AGBL1: variants seen among roughly 807,000 people sequenced by gnomAD.
The protein encoded by AGBL1 is cytosolic carboxypeptidase 4.
A neutral mutation model predicts 118.9 loss-of-function variants in AGBL1; 130 were observed. That is an observed-to-expected ratio of 1.09 (90% CI 0.95 to 1.26). AGBL1 has a LOEUF of 1.26. Among genes scored for constraint, AGBL1 ranks in the 50% most tolerant of loss-of-function variants. AGBL1 has a pLI of 0.00. For synonymous variants in AGBL1, 555 were observed against 478.9 expected, an observed-to-expected ratio of 1.16 and a Z score of -2.08; for missense variants, 1,584 against 1,298.1, an observed-to-expected ratio of 1.22 and a Z score of -3.38.
chr15:86,299,349 A>G (rs771674349), intron 17 of AGBL1, among the ~76,000 whole-genome samples: 1 of 152,088 alleles, frequency 6.6e-6, no homozygotes, highest in Non-Finnish European at 1.5e-5. Flanking sequence ...AACCTTTACA[A>G]AAGGATCAAC....
At chr15:86,364,076 C>G (rs1425744828) in intron 17 of AGBL1, among the ~76,000 whole-genome samples, 7 of 152,192 alleles carry the variant, frequency 4.6e-5, no homozygotes, top group Non-Finnish European at 1.5e-5. Context: ...TACCCATAAT[C>G]TCTATACACA....
intron 18 of AGBL1, among the ~76,000 whole-genome samples, chr15:86,479,658 A>C (rs1397915296): frequency 6.6e-6 from 1 of 152,236 alleles, no homozygotes; most frequent in Non-Finnish European, 1.5e-5. Flanking sequence ...TAGTTCAACC[A>C]TTGTGGAAGA....
chr15:86,536,870 C>T (rs1337516922), intron 19 of AGBL1, among the ~76,000 whole-genome samples: 2 of 152,134 alleles, frequency 1.3e-5, no homozygotes, highest in African/African-American at 2.4e-5. Flanking sequence ...GGCTGCTCTC[C>T]GTGAAGGCCA....
chr15:86,318,867 G>A (rs1361438000), intron 17 of AGBL1, among the ~76,000 whole-genome samples: 1 of 151,910 alleles, frequency 6.6e-6, no homozygotes. Flanking sequence ...TTATTATATG[G>A]TCTGTGATGT....
At chr15:86,775,498 T>C (rs932777651) in intron 22 of AGBL1, among the ~76,000 whole-genome samples, 2 of 152,080 alleles carry the variant, frequency 1.3e-5, no homozygotes, top group African/African-American at 4.8e-5. Context: ...TGGTGAGAGA[T>C]GACATAGAAA....
At chr15:86,403,766 A>G (rs2081482351) in intron 18 of AGBL1, among the ~76,000 whole-genome samples, 2 of 152,200 alleles carry the variant, frequency 1.3e-5, no homozygotes, top group African/African-American at 4.8e-5. Flanking sequence ...CAGAGCCAGG[A>G]ACTCAAGTCT....
chr15:86,675,820 T>C (rs772494018), intron 22 of AGBL1, among the ~76,000 whole-genome samples: 1 of 152,180 alleles, frequency 6.6e-6, no homozygotes, highest in East Asian at 1.9e-4. Context: ...TGAGGGAAGA[T>C]TGAGCAGAAC....
chr15:86,263,264 T>C (rs1184537718), intron 10 of AGBL1, among the ~76,000 whole-genome samples: 1 of 152,200 alleles, frequency 6.6e-6, no homozygotes, highest in African/African-American at 2.4e-5. Flanking sequence ...TCCCATTGTA[T>C]TACTATTGCC....
rs534575443 is a variant in AGBL1, at chr15:87,022,996, A to G, written c.3324-5829A>G. On this transcript the variant is annotated intron_variant, in intron 24 of 24. Transcript: ENST00000441037. ...TTTTGAAACAAATCCTGGAAACAAC[A>G]TCAAAACAAAACCACTTTAAAGCAT... 7.6e-4 allele frequency among the ~76,000 whole-genome samples: 115 copies of G among 152,210 alleles called. 1 individual carries two copies. Among genetic ancestry groups the G allele is most frequent in the African/African-American group, 2.4e-3 (98 of 41,554 alleles).
intron 22 of AGBL1, among the ~76,000 whole-genome samples, chr15:86,719,522 G>A (rs2086685866): frequency 6.6e-6 from 1 of 152,102 alleles, no homozygotes; most frequent in African/African-American, 2.4e-5. Flanking sequence ...AGCAGGGTGA[G>A]CTTCCCAGTA....
intron 24 of AGBL1, among the ~76,000 whole-genome samples, chr15:87,023,105 G>A (rs1312664227): frequency 6.6e-6 from 1 of 152,038 alleles, no homozygotes; most frequent in Non-Finnish European, 1.5e-5. Flanking sequence ...CAAATAGCAT[G>A]ATGAATGGAA....
At chr15:86,305,861 T>C (rs2079831929) in intron 17 of AGBL1, among the ~76,000 whole-genome samples, 1 of 152,180 alleles carries the variant, frequency 6.6e-6, no homozygotes, top group African/African-American at 2.4e-5. Flanking sequence ...CCCATTAATC[T>C]GAGACTTGAC....
chr15:86,401,082 T>C (rs944216923), intron 18 of AGBL1, among the ~76,000 whole-genome samples: 1 of 152,206 alleles, frequency 6.6e-6, no homozygotes, highest in South Asian at 2.1e-4. Context: ...CCACCAGCAG[T>C]GTAAAAGTGG....
Position 86,908,614 on chromosome 15 carries a change from A to G in AGBL1, c.*1320A>G, listed in dbSNP as rs530252490. ...GGAAGGGAGCTGGGAAGGAGATTAC[A>G]GAGGAGCAGAATCTAGGAGGCTGGA... On this transcript the variant is annotated 3_prime_UTR_variant, in exon 23 of 23. Coordinates refer to ENST00000614907, the MANE Select transcript of AGBL1 (RefSeq NM_001386094.1). The G allele has an allele frequency of 6.6e-6, 1 of 152,378 alleles. No homozygotes were observed. Among genetic ancestry groups the G allele is most frequent in the Admixed American group, 6.5e-5 (1 of 15,302 alleles). The allele number at this position is 152,378 out of a possible 1,614,324, so 9.4% of individuals were successfully genotyped here.
intron 21 of AGBL1, among the ~76,000 whole-genome samples, chr15:86,635,741 G>A (rs2085071938): frequency 6.6e-6 from 1 of 152,118 alleles, no homozygotes. Context: ...TGAATATTTA[G>A]AGTGACAAAA....
At chr15:86,717,810 T>G (rs904783334) in intron 22 of AGBL1, among the ~76,000 whole-genome samples, 2 of 152,202 alleles carry the variant, frequency 1.3e-5, no homozygotes, top group African/African-American at 4.8e-5. Flanking sequence ...CCGGGCATGG[T>G]GGCTCACGCC....
At chr15:86,478,517 A>G (rs2082596462) in intron 18 of AGBL1, among the ~76,000 whole-genome samples, 1 of 152,182 alleles carries the variant, frequency 6.6e-6, no homozygotes, top group African/African-American at 2.4e-5. Flanking sequence ...TAGGAATCCA[A>G]CTTACAAGGG....
intron 22 of AGBL1, among the ~76,000 whole-genome samples, chr15:86,821,187 G>T (rs1040456300): frequency 6.6e-6 from 1 of 151,966 alleles, no homozygotes; most frequent in African/African-American, 2.4e-5. Context: ...AGATTGGGGG[G>T]TTGGGGGAGG....
intron 17 of AGBL1, chr15:86,296,512 G>A (rs1216113440): frequency 1.3e-5 from 2 of 152,188 alleles, no homozygotes; most frequent in East Asian, 3.9e-4. Flanking sequence ...TGAAGACACA[G>A]CCTTCCCTGA....
Sources: gnomAD v4.1 joint callset for allele counts (sites outside exome capture counted in the v4.1 genomes callset) on GRCh38, gnomAD v4.1.1 for gene constraint, MANE v1.5 for transcripts, NCBI Gene and HGNC (gene_info 2026-07-23, HGNC 2026-07-21) for gene names.